The following ANKRD11 variants were observed in gnomAD, a reference collection of about 807,000 sequenced individuals.
ANKRD11 encodes the protein ankyrin repeat domain 11.
ANKRD11 carries 17 observed loss-of-function variants against 195.7 expected under a neutral mutation model. The observed-to-expected ratio is 0.09, with a 90% CI of 0.06 to 0.13. The LOEUF (loss-of-function observed/expected upper bound fraction) is 0.13, where lower values mean the gene tolerates loss of function less well. Among genes scored for constraint, ANKRD11 ranks in the 10% least tolerant of loss-of-function variants. The probability of loss-of-function intolerance (pLI) is 1.00; values close to 1 mark genes in which losing one functional copy is unlikely to be tolerated. For synonymous variants in ANKRD11, 1,953 were observed against 1,528.1 expected (o/e 1.28, Z -6.49); for missense variants, 3,735 against 3,566.1 (o/e 1.05, Z -1.21).
At chr16:89,332,958 C>A (rs557521883) in intron 2 of ANKRD11, among the ~76,000 whole-genome samples, 1 of 152,376 alleles carries the variant, frequency 6.6e-6, no homozygotes, top group African/African-American at 2.4e-5. Flanking sequence ...AACAGAACAG[C>A]GGGGCTGCTC....
chr16:89,309,710 G>A (rs1166627178), intron 3 of ANKRD11, among the ~76,000 whole-genome samples: 1 of 152,166 alleles, frequency 6.6e-6, no homozygotes, highest in African/African-American at 2.4e-5. Context: ...GCCCTGTTTC[G>A]GCCCCTCTAA....
intron 1 of ANKRD11, among the ~76,000 whole-genome samples, chr16:89,452,795 A>AG (rs2044141845): frequency 6.6e-6 from 1 of 151,572 alleles, no homozygotes; most frequent in African/African-American, 2.4e-5. Context: ...AAAAAAAAAA[A>AG]AAAAAAGAAT....
intron 2 of ANKRD11, among the ~76,000 whole-genome samples, chr16:89,326,299 G>A (rs543950655): frequency 1.3e-5 from 2 of 152,166 alleles, no homozygotes; most frequent in Non-Finnish European, 2.9e-5. Context: ...GGAAGAGGAA[G>A]GTTAGAAAGG....
At chr16:89,441,592 C>G (rs916261977) in intron 1 of ANKRD11, among the ~76,000 whole-genome samples, 1 of 151,726 alleles carries the variant, frequency 6.6e-6, no homozygotes, top group African/African-American at 2.4e-5. Flanking sequence ...ATGGTAAAAC[C>G]CCACCTCTAC....
At chr16:89,392,536 G>A (rs1422982231) in intron 2 of ANKRD11, 1 of 152,038 alleles carries the variant, frequency 6.6e-6, no homozygotes, top group Non-Finnish European at 1.5e-5. Flanking sequence ...GCACTGTGAT[G>A]CCACGCTGAG....
intron 1 of ANKRD11, among the ~76,000 whole-genome samples, chr16:89,482,532 TAGGTTACGTGGAAAAGGGAACTG>T: frequency 6.6e-6 from 1 of 152,084 alleles, no homozygotes; most frequent in African/African-American, 2.4e-5. Flanking sequence ...GTGAATGCCT[TAGGTTACGTGGAAAAGGGAACTG>T]AGGTTACTAA....
Position 89,490,538 on chromosome 16 carries a change from G to C in ANKRD11, c.-438C>G, listed in dbSNP as rs2057794878. 2.2e-6 allele frequency: 1 copy of C among 458,716 alleles called. No individual in the cohort carries two copies. Among genetic ancestry groups the C allele is most frequent in the Admixed American group, 3.7e-5 (1 of 27,040 alleles). 28.4% of individuals were successfully genotyped at this position (458,716 alleles called of 1,614,324 possible). ...CCCCGGCTGGGGCCCTCGGTCCATC[G>C]CGCACCGTCTCAGGGCGGCCTCTGG... On this transcript the variant is annotated 5_prime_UTR_variant, in exon 1 of 13. Coordinates refer to ENST00000301030, the MANE Select transcript of ANKRD11 (RefSeq NM_013275.6).
At chr16:89,382,904 G>C (rs987184599) in intron 2 of ANKRD11, among the ~76,000 whole-genome samples, 1 of 151,634 alleles carries the variant, frequency 6.6e-6, no homozygotes, top group Non-Finnish European at 1.5e-5. Context: ...GCAGCAGCAT[G>C]ATCTCGGCTC....
At chr16:89,369,043 T>A (rs1025287579) in intron 2 of ANKRD11, among the ~76,000 whole-genome samples, 1 of 152,096 alleles carries the variant, frequency 6.6e-6, no homozygotes, top group African/African-American at 2.4e-5. Flanking sequence ...GACCCCCCAC[T>A]GGCACCCATT....
At chr16:89,287,495 C>G (rs534673892) in intron 7 of ANKRD11, 1 of 210,062 alleles carries the variant, frequency 4.8e-6, no homozygotes. Flanking sequence ...AAAGCTGCAT[C>G]GGATGCCCCA....
chr16:89,312,697 C>T (rs753431524), intron 3 of ANKRD11, among the ~76,000 whole-genome samples: 8 of 152,224 alleles, frequency 5.3e-5, no homozygotes, highest in South Asian at 2.1e-4. Context: ...CCTGTGCTCT[C>T]GCCATCAGAC....
At chr16:89,453,983 T>A (rs1165029671) in intron 1 of ANKRD11, among the ~76,000 whole-genome samples, 1 of 152,114 alleles carries the variant, frequency 6.6e-6, no homozygotes, top group Non-Finnish European at 1.5e-5. Context: ...CCTCGGGAGT[T>A]CCCAAGACTG....
At chr16:89,457,772 CTG>C (rs1345925041) in intron 1 of ANKRD11, among the ~76,000 whole-genome samples, 1 of 152,070 alleles carries the variant, frequency 6.6e-6, no homozygotes, top group Non-Finnish European at 1.5e-5. Flanking sequence ...GGTATCAAAA[CTG>C]TCAAACTCAT....
At position 89,414,607 on chromosome 16, in the gene ANKRD11, C is replaced by T. The variant is rs774370693; in HGVS notation, c.-60+3677G>A. 1.5e-4 allele frequency among the ~76,000 whole-genome samples: 23 copies of T among 152,286 alleles called. 1 individual carries two copies. The highest frequency in any genetic ancestry group is 4.6e-4 in the African/African-American group (19 of 41,564). On this transcript the variant is annotated intron_variant, in intron 2 of 12. Transcript: ENST00000301030. ...AGGAAGTCTTTACAGTAGATACGAC[C>T]GTGACCACTGTCCTGGGTAGGAGAC...
At chr16:89,366,190 C>T (rs139638472) in intron 2 of ANKRD11, among the ~76,000 whole-genome samples, 105 of 151,376 alleles carry the variant, frequency 6.9e-4, no homozygotes, top group African/African-American at 2.5e-3. Flanking sequence ...CACAGTATTC[C>T]ACGGTGTATA....
chr16:89,309,329 C>T (rs1305320045), intron 3 of ANKRD11, among the ~76,000 whole-genome samples: 2 of 152,148 alleles, frequency 1.3e-5, no homozygotes, highest in Non-Finnish European at 2.9e-5. Flanking sequence ...ATCTCAACAG[C>T]CAAAACCTAC....
Position 89,357,635 on chromosome 16 carries a change from G to C in ANKRD11, c.-59-40557C>G, listed in dbSNP as rs1033297152. Among the ~76,000 whole-genome samples, 6 of 152,190 alleles carry C rather than the reference G, an allele frequency of 3.9e-5. 1 individual carries two copies. Among genetic ancestry groups the C allele is most frequent in the African/African-American group, 1.4e-4 (6 of 41,438 alleles). Reference sequence around the variant, plus strand: ...CCCGAGTGTCCCCTGGCGGATGACAGAGAAGCAGAATGCGTCTGCACACAG... The same window carrying C: ...CCCGAGTGTCCCCTGGCGGATGACACAGAAGCAGAATGCGTCTGCACACAG... On this transcript the variant is annotated intron_variant, in intron 2 of 12. Transcript: ENST00000301030.
intron 2 of ANKRD11, among the ~76,000 whole-genome samples, chr16:89,334,140 G>GTC (rs1359016457): frequency 0.014 from 393 of 27,416 alleles, 15 homozygotes; most frequent in African/African-American, 0.075. Context: ...GAAACCCTGT[G>GTC]TTTTAAAAAA....
At chr16:89,399,111 C>T (rs949670564) in intron 2 of ANKRD11, among the ~76,000 whole-genome samples, 4 of 152,182 alleles carry the variant, frequency 2.6e-5, no homozygotes, top group African/African-American at 9.7e-5. Flanking sequence ...CTGTCACAGC[C>T]CAGGTGGCTC....
Sources: gnomAD v4.1 joint callset for allele counts (sites outside exome capture counted in the v4.1 genomes callset) on GRCh38, gnomAD v4.1.1 for gene constraint, MANE v1.5 for transcripts, NCBI Gene and HGNC (gene_info 2026-07-23, HGNC 2026-07-21) for gene names.